ZNF626: variants seen among roughly 807,000 people sequenced by gnomAD.
The protein encoded by ZNF626 is zinc finger protein 626, also known as CTC-513N18.7.
A neutral mutation model predicts 11.7 loss-of-function variants in ZNF626; 4 were observed. The ratio of observed to expected loss-of-function variants is 0.34; its 90% CI spans 0.17 to 0.78. The LOEUF (loss-of-function observed/expected upper bound fraction) is 0.78, where lower values mean the gene tolerates loss of function less well. ZNF626 is among the 30% of genes least tolerant of loss of function. The probability of loss-of-function intolerance (pLI) is 0.57; values close to 1 mark genes in which losing one functional copy is unlikely to be tolerated. For synonymous variants in ZNF626, 179 were observed against 198.6 expected (o/e 0.90, Z 0.83); for missense variants, 588 against 587.1 (o/e 1.00, Z -0.01).
At chr19:20,648,665 C>G (rs1017378884) in intron 1 of ZNF626, among the ~76,000 whole-genome samples, 3 of 152,310 alleles carry the variant, frequency 2.0e-5, no homozygotes, top group Admixed American at 2.0e-4. Flanking sequence ...GCCACGGCAC[C>G]TGGCCTAAAT....
chr19:20,628,745 T>A (rs1405024378), intron 3 of ZNF626, among the ~76,000 whole-genome samples: 14 of 152,238 alleles, frequency 9.2e-5, no homozygotes, highest in Non-Finnish European at 1.8e-4. Context: ...CTGTTCACTC[T>A]GATGGTGGTT....
At chr19:20,640,658 G>GA (rs35302204) in intron 3 of ZNF626, among the ~76,000 whole-genome samples, 62,727 of 143,354 alleles carry the variant, frequency 0.44, 14,175 homozygotes, top group African/African-American at 0.57. Flanking sequence ...ATAGAGAAAT[G>GA]AAAAAAAAAA....
chr19:20,630,937 T>G (rs1233039818), intron 3 of ZNF626, among the ~76,000 whole-genome samples: 11 of 151,894 alleles, frequency 7.2e-5, no homozygotes, highest in African/African-American at 2.7e-4. Flanking sequence ...CTCTACACAC[T>G]GCTTTGAATG....
At chr19:20,635,076 T>C (rs1034151990) in intron 3 of ZNF626, among the ~76,000 whole-genome samples, 2 of 152,092 alleles carry the variant, frequency 1.3e-5, no homozygotes, top group Non-Finnish European at 2.9e-5. Context: ...TAGCAGAAAA[T>C]AGTCTAACTA....
chr19:20,648,374 CTTCTTCTTT>C (rs782794131), intron 1 of ZNF626, among the ~76,000 whole-genome samples: 2 of 148,398 alleles, frequency 1.3e-5, no homozygotes, highest in South Asian at 4.3e-4. Flanking sequence ...TCTTCTTCTT[CTTCTTCTTT>C]TTTTTTTTTC....
intron 3 of ZNF626, among the ~76,000 whole-genome samples, chr19:20,638,981 T>A (rs8100596): frequency 6.6e-6 from 1 of 151,956 alleles, no homozygotes; most frequent in African/African-American, 2.4e-5. Flanking sequence ...AAGGGGTATA[T>A]TTGGCTCACA....
intron 1 of ZNF626, among the ~76,000 whole-genome samples, chr19:20,655,691 G>A (rs561213339): frequency 6.6e-6 from 1 of 152,202 alleles, no homozygotes; most frequent in Non-Finnish European, 1.5e-5. Context: ...GGGAAGCCAA[G>A]GCAGGTGGAT....
intron 3 of ZNF626, among the ~76,000 whole-genome samples, chr19:20,625,990 G>A (rs782264493): frequency 6.6e-6 from 1 of 152,172 alleles, no homozygotes; most frequent in Non-Finnish European, 1.5e-5. Flanking sequence ...TGACTGGCTG[G>A]GGTGACACAC....
intron 1 of ZNF626, among the ~76,000 whole-genome samples, chr19:20,659,637 CT>C (rs1170661730): frequency 3.9e-5 from 6 of 151,952 alleles, no homozygotes; most frequent in African/African-American, 1.4e-4. Context: ...GAGAAAAGCC[CT>C]TTTCTGCCTA....
At position 20,625,269 on chromosome 19, in the gene ZNF626, C is replaced by T. The variant is rs141528808; in HGVS notation, c.608G>A (p.Cys203Tyr). 25 of 1,613,802 alleles carry T rather than the reference C, an allele frequency of 1.5e-5. No homozygotes were observed. The highest frequency in any genetic ancestry group is 1.6e-4 in the Middle Eastern group (1 of 6,062). The change falls in exon 4 of 4, where the codon TGT (cysteine) becomes TAT (tyrosine). Residue 203 changes from cysteine to tyrosine, a missense_variant. Transcript: ENST00000601440. ...GTTAAAGGCTTTGCCACATTCTTCA[C>T]ATTTGTAGGGTTTCCCTCCAGTATG... ...KIHTGGKPYK[C>Y]EECGKAFNHS...
At chr19:20,634,389 T>C (rs1969943804) in intron 3 of ZNF626, among the ~76,000 whole-genome samples, 1 of 152,246 alleles carries the variant, frequency 6.6e-6, no homozygotes, top group African/African-American at 2.4e-5. Flanking sequence ...TTCTTCTTTA[T>C]AGACCACCTG....
chr19:20,634,497 TA>T (rs1969945379), intron 3 of ZNF626, among the ~76,000 whole-genome samples: 1 of 145,284 alleles, frequency 6.9e-6, no homozygotes, highest in Admixed American at 7.0e-5. Flanking sequence ...AACAATAATA[TA>T]AATAATTGAT....
chr19:20,625,793 A>C, intron 3 of ZNF626, 143 bp from the exon 4 acceptor site: 1 of 923,964 alleles, frequency 1.1e-6, no homozygotes, highest in Non-Finnish European at 1.5e-6. Context: ...TTCTTCCTGG[A>C]CATATGAATT....
chr19:20,629,435 G>C (rs10419746), intron 3 of ZNF626, among the ~76,000 whole-genome samples: 68,339 of 151,518 alleles, frequency 0.45, 16,633 homozygotes, highest in African/African-American at 0.64. Context: ...TCTTCCATTT[G>C]TTTGTATCCT....
chr19:20,648,887 A>C (rs1255392322), intron 1 of ZNF626, among the ~76,000 whole-genome samples: 1 of 152,206 alleles, frequency 6.6e-6, no homozygotes, highest in Non-Finnish European at 1.5e-5. Context: ...GGCATATAAG[A>C]AGCTATGATG....
intron 1 of ZNF626, among the ~76,000 whole-genome samples, chr19:20,650,850 G>T (rs1568461444): frequency 6.6e-6 from 1 of 152,104 alleles, no homozygotes; most frequent in African/African-American, 2.4e-5. Context: ...GTTTTCAAGG[G>T]TAAGTTTATT....
At chr19:20,627,088 A>C (rs1167510952) in intron 3 of ZNF626, among the ~76,000 whole-genome samples, 1 of 151,804 alleles carries the variant, frequency 6.6e-6, no homozygotes, top group Non-Finnish European at 1.5e-5. Flanking sequence ...GAAGATAAAA[A>C]TGAGGATAAT....
rs928440438 is a variant in ZNF626 at position 20,623,101 on chromosome 19, C to T, written c.*1189G>A. ...TCTTCACTTTAAAGGCTTATATTTT[C>T]TGAAAGATTTTTTGACAGTAATTGC... On this transcript the variant is annotated 3_prime_UTR_variant, in exon 4 of 4. Coordinates refer to ENST00000601440, the MANE Select transcript of ZNF626 (RefSeq NM_001076675.3). 3 of 152,390 alleles carry T rather than the reference C, an allele frequency of 2.0e-5. No individual in the cohort carries two copies. In the South Asian group the frequency reaches 6.2e-4, roughly 31 times the overall value. The allele number at this position is 152,390 out of a possible 1,614,324, so 9.4% of individuals were successfully genotyped here.
intron 3 of ZNF626, among the ~76,000 whole-genome samples, chr19:20,626,292 A>C (rs1350418173): frequency 6.6e-6 from 1 of 152,214 alleles, no homozygotes; most frequent in Admixed American, 6.5e-5. Context: ...TGTAACAGGT[A>C]GCATTTTGTT....
Sources: allele counts gnomAD v4.1 joint callset (sites outside exome capture counted in the v4.1 genomes callset), GRCh38; gene constraint gnomAD v4.1.1; transcripts MANE v1.5; gene names NCBI Gene and HGNC (gene_info 2026-07-23, HGNC 2026-07-21).